The following MYRIP variants were observed in gnomAD, a reference collection of about 807,000 sequenced individuals.
MYRIP encodes rab effector MyRIP.
MYRIP carries 49 observed loss-of-function variants against 98.0 expected under a neutral mutation model. The observed-to-expected ratio is 0.50, with a 90% CI of 0.40 to 0.63. The LOEUF is 0.63. Among genes scored for constraint, MYRIP ranks in the 30% least tolerant of loss-of-function variants. The pLI is 0.00. For synonymous variants in MYRIP, 404 were observed against 409.5 expected (o/e 0.99, Z 0.16); for missense variants, 1,004 against 1,058.2 (o/e 0.95, Z 0.71).
chr3:40,229,351 TAC>T (rs1313171282), intron 11 of MYRIP, among the ~76,000 whole-genome samples: 3 of 152,140 alleles, frequency 2.0e-5, no homozygotes, highest in African/African-American at 7.2e-5. Flanking sequence ...TTACTCTGCC[TAC>T]AGTCCCTAGA....
intron 1 of MYRIP, among the ~76,000 whole-genome samples, chr3:39,866,904 C>T (rs1942644671): frequency 6.6e-6 from 1 of 152,110 alleles, no homozygotes; most frequent in South Asian, 2.1e-4. Context: ...AAGTTAGAGG[C>T]ATCATACTTC....
intron 5 of MYRIP, among the ~76,000 whole-genome samples, chr3:40,164,956 T>C (rs144584924): frequency 1.3e-5 from 2 of 152,350 alleles, no homozygotes; most frequent in Admixed American, 1.3e-4. Context: ...ATGGACTCAG[T>C]TTGTCCATCA....
chr3:40,246,182 T>C (rs571153629), intron 13 of MYRIP, among the ~76,000 whole-genome samples: 1 of 152,088 alleles, frequency 6.6e-6, no homozygotes, highest in Admixed American at 6.6e-5. Flanking sequence ...GGGTTTTTTT[T>C]TCGGCCAAGA....
chr3:39,904,614 T>C (rs1017452835), intron 2 of MYRIP, among the ~76,000 whole-genome samples: 2 of 152,168 alleles, frequency 1.3e-5, no homozygotes, highest in African/African-American at 4.8e-5. Flanking sequence ...GCAATGTGAC[T>C]GTCCTGGCTC....
chr3:39,965,525 G>A (rs542565487), intron 2 of MYRIP, among the ~76,000 whole-genome samples: 1 of 152,084 alleles, frequency 6.6e-6, no homozygotes, highest in African/African-American at 2.4e-5. Flanking sequence ...ATTTTTATTG[G>A]TCAGGGTCAG....
At chr3:39,989,518 G>C (rs9821384) in intron 2 of MYRIP, among the ~76,000 whole-genome samples, 15,389 of 152,238 alleles carry the variant, frequency 0.1, 1,356 homozygotes, top group African/African-American at 0.23. Flanking sequence ...GGAGCAGAAC[G>C]CATTTAACAA....
intron 1 of MYRIP, among the ~76,000 whole-genome samples, chr3:39,844,385 A>G (rs2125598279): frequency 6.6e-6 from 1 of 152,342 alleles, no homozygotes; most frequent in Middle Eastern, 3.4e-3. Flanking sequence ...TGTCAATTAT[A>G]TCTCACAGAA....
At chr3:39,938,774 G>A (rs1944715135) in intron 2 of MYRIP, among the ~76,000 whole-genome samples, 2 of 152,096 alleles carry the variant, frequency 1.3e-5, no homozygotes, top group Admixed American at 1.3e-4. Context: ...CAGAGTGCTG[G>A]AATTATAGGC....
intron 2 of MYRIP, among the ~76,000 whole-genome samples, chr3:39,969,360 TG>T (rs1463933642): frequency 6.6e-6 from 1 of 152,144 alleles, no homozygotes; most frequent in Non-Finnish European, 1.5e-5. Flanking sequence ...AATACTGTTT[TG>T]AATATGAGTG....
At chr3:40,221,042 C>CAAAAAAAAA (rs150976340) in intron 11 of MYRIP, among the ~76,000 whole-genome samples, 5 of 61,586 alleles carry the variant, frequency 8.1e-5, no homozygotes, top group Admixed American at 2.4e-4. Flanking sequence ...GGCAAGTCAC[C>CAAAAAAAAA]AAAAAAAAAA....
chr3:39,913,681 T>C (rs1944081259), intron 2 of MYRIP, among the ~76,000 whole-genome samples: 2 of 152,248 alleles, frequency 1.3e-5, no homozygotes, highest in East Asian at 3.8e-4. Context: ...TCCATTTTCA[T>C]TGTTTGTTCA....
At chr3:39,831,415 G>A (rs547578301) in intron 1 of MYRIP, among the ~76,000 whole-genome samples, 13 of 151,986 alleles carry the variant, frequency 8.6e-5, no homozygotes, top group Admixed American at 2.0e-4. Context: ...AAACTGTTCC[G>A]TTAGCATTTT....
At chr3:39,918,665 A>G (rs1944231501) in intron 2 of MYRIP, among the ~76,000 whole-genome samples, 2 of 152,234 alleles carry the variant, frequency 1.3e-5, no homozygotes, top group Admixed American at 6.5e-5. Context: ...AATGTGCATG[A>G]AAGTCTTATG....
intron 1 of MYRIP, among the ~76,000 whole-genome samples, chr3:39,853,901 G>A (rs1942212315): frequency 6.6e-6 from 1 of 152,078 alleles, no homozygotes; most frequent in African/African-American, 2.4e-5. Context: ...TTAGATTTAA[G>A]TCTGATCTAT....
chr3:40,159,177 T>C (rs1204683374), intron 4 of MYRIP, among the ~76,000 whole-genome samples: 1 of 152,174 alleles, frequency 6.6e-6, no homozygotes, highest in Non-Finnish European at 1.5e-5. Flanking sequence ...GGAGCTCTTT[T>C]AGGGCAGGCC....
At position 39,809,622 on chromosome 3, in the gene MYRIP, C is replaced by T. The variant is rs1242037232; in HGVS notation, c.-325C>T. 1.3e-5 allele frequency: 2 copies of T among 151,618 alleles called. No individual in the cohort carries two copies. Among genetic ancestry groups the T allele is most frequent in the African/African-American group, 2.4e-5 (1 of 41,372 alleles). 9.4% of individuals were successfully genotyped at this position (151,618 alleles called of 1,614,324 possible). ...GTGGCTGCGGCCAGGCTGGCCCTGG[C>T]TGCCTGCGGCGCGGGCGCCTCCCTC... On this transcript the variant is annotated 5_prime_UTR_variant, in exon 1 of 17. Coordinates refer to ENST00000302541, the MANE Select transcript of MYRIP (RefSeq NM_015460.4).
intron 2 of MYRIP, among the ~76,000 whole-genome samples, chr3:40,013,113 G>T (rs1437762710): frequency 6.6e-6 from 1 of 152,142 alleles, no homozygotes; most frequent in Non-Finnish European, 1.5e-5. Flanking sequence ...AGCCTGTACA[G>T]CTTCTCTCTG....
chr3:39,837,594 T>G (rs531925741), intron 1 of MYRIP, among the ~76,000 whole-genome samples: 1 of 152,336 alleles, frequency 6.6e-6, no homozygotes, highest in East Asian at 1.9e-4. Flanking sequence ...TTGGTACCAG[T>G]ACCATGCTGT....
At position 39,823,260 on chromosome 3, in the gene MYRIP, C is replaced by T. The variant is rs551880070; in HGVS notation, c.-31+13344C>T. On this transcript the variant is annotated intron_variant, in intron 1 of 16. Transcript: ENST00000302541. ...GTCTTCTGACTTCAAGTGATCTGCC[C>T]GCCTCGGCCTCCCAAAGTGCTGGGA... 7.9e-5 allele frequency among the ~76,000 whole-genome samples: 12 copies of T among 152,174 alleles called. No homozygotes were observed. The East Asian group carries it at 9.7e-4, about 12-fold the overall frequency.
Sources: allele counts gnomAD v4.1 joint callset (sites outside exome capture counted in the v4.1 genomes callset), GRCh38; gene constraint gnomAD v4.1.1; transcripts MANE v1.5; gene names NCBI Gene and HGNC (gene_info 2026-07-23, HGNC 2026-07-21).